MCTP1: variants seen among roughly 807,000 people sequenced by gnomAD.
MCTP1 encodes multiple C2 and transmembrane domain containing 1.
Under a neutral mutation model 120.6 loss-of-function variants are expected in MCTP1, and 69 were observed. The observed-to-expected ratio is 0.57, with a 90% CI of 0.47 to 0.70. MCTP1 has a LOEUF of 0.70. Among genes scored for constraint, MCTP1 ranks in the 30% least tolerant of loss-of-function variants. The pLI is 0.00. For missense variants in MCTP1, 1,203 were observed against 1,248.8 expected (o/e 0.96, Z 0.55); for synonymous variants, 529 against 493.1 (o/e 1.07, Z -0.96).
At chr5:94,941,041 A>G (rs529522529) in intron 4 of MCTP1, among the ~76,000 whole-genome samples, 2 of 152,160 alleles carry the variant, frequency 1.3e-5, no homozygotes, top group South Asian at 4.1e-4. Flanking sequence ...CCAAATGCTC[A>G]TGTATAAATA....
intron 1 of MCTP1, among the ~76,000 whole-genome samples, chr5:95,269,685 AC>A (rs1759204130): frequency 6.6e-6 from 1 of 152,242 alleles, no homozygotes; most frequent in Admixed American, 6.5e-5. Flanking sequence ...ATGTGGCCTC[AC>A]TAATGGTGAA....
At chr5:94,930,196 A>AT (rs1814238260) in intron 6 of MCTP1, among the ~76,000 whole-genome samples, 1 of 149,752 alleles carries the variant, frequency 6.7e-6, no homozygotes, top group African/African-American at 2.5e-5. Context: ...TATGTTATAT[A>AT]TTTTTACTTA....
intron 1 of MCTP1, among the ~76,000 whole-genome samples, chr5:95,269,752 C>T (rs1759210136): frequency 6.6e-6 from 1 of 152,218 alleles, no homozygotes; most frequent in African/African-American, 2.4e-5. Flanking sequence ...CTGTCAATAT[C>T]TAGCTTTGCC....
intron 5 of MCTP1, among the ~76,000 whole-genome samples, chr5:94,937,920 A>G (rs971487602): frequency 1.3e-5 from 2 of 152,182 alleles, no homozygotes; most frequent in Admixed American, 1.3e-4. Context: ...TCAGGCACTT[A>G]GGTATCTTGA....
chr5:95,245,449 T>C (rs1756652736), intron 1 of MCTP1, among the ~76,000 whole-genome samples: 1 of 152,118 alleles, frequency 6.6e-6, no homozygotes, highest in Non-Finnish European at 1.5e-5. Context: ...GACAAATGGC[T>C]AACTAGAATA....
At chr5:95,210,811 A>T (rs1451690469) in intron 1 of MCTP1, among the ~76,000 whole-genome samples, 1 of 151,992 alleles carries the variant, frequency 6.6e-6, no homozygotes, top group Non-Finnish European at 1.5e-5. Context: ...AGCGGCTGGT[A>T]CCGGTTGTTC....
intron 9 of MCTP1, among the ~76,000 whole-genome samples, chr5:94,911,201 T>C (rs895879835): frequency 1.1e-4 from 16 of 152,192 alleles, no homozygotes; most frequent in Admixed American, 3.3e-4. Context: ...CTAAGGTGAA[T>C]AAATGCCCAT....
chr5:95,025,123 GA>G (rs1194263671), intron 1 of MCTP1, among the ~76,000 whole-genome samples: 1 of 152,040 alleles, frequency 6.6e-6, no homozygotes, highest in Non-Finnish European at 1.5e-5. Context: ...CATCTTCAGT[GA>G]AAAGAACGAA....
chr5:95,128,965 G>A (rs971855833), intron 1 of MCTP1, among the ~76,000 whole-genome samples: 9 of 152,050 alleles, frequency 5.9e-5, no homozygotes, highest in African/African-American at 1.9e-4. Flanking sequence ...AATAAGAAAC[G>A]CCCCAAAAGA....
chr5:95,257,484 GTTTT>G (rs992877815), intron 1 of MCTP1, among the ~76,000 whole-genome samples: 9 of 151,872 alleles, frequency 5.9e-5, no homozygotes, highest in South Asian at 2.1e-4. Context: ...TGCCTACATT[GTTTT>G]TTTAATCTTT....
chr5:95,181,008 G>C (rs1314540526), intron 1 of MCTP1, among the ~76,000 whole-genome samples: 1 of 152,114 alleles, frequency 6.6e-6, no homozygotes, highest in Non-Finnish European at 1.5e-5. Flanking sequence ...CTAAAACCCT[G>C]GTCCAAACCA....
At chr5:95,056,788 G>A (rs1196668924) in intron 1 of MCTP1, among the ~76,000 whole-genome samples, 1 of 152,042 alleles carries the variant, frequency 6.6e-6, no homozygotes, top group Non-Finnish European at 1.5e-5. Flanking sequence ...TTCTCTGGGG[G>A]AAGTACCACT....
intron 2 of MCTP1, among the ~76,000 whole-genome samples, chr5:94,957,868 G>C (rs1368422653): frequency 6.6e-6 from 1 of 152,192 alleles, no homozygotes; most frequent in African/African-American, 2.4e-5. Context: ...CAACAAGACA[G>C]AAAATTAACA....
At chr5:95,153,782 A>AGT in intron 1 of MCTP1, among the ~76,000 whole-genome samples, 1 of 152,208 alleles carries the variant, frequency 6.6e-6, no homozygotes, top group East Asian at 1.9e-4. Flanking sequence ...GAGGAAATGG[A>AGT]GTGTTCCTTT....
chr5:94,778,095 A>C (rs1775807538), intron 19 of MCTP1, among the ~76,000 whole-genome samples: 2 of 152,108 alleles, frequency 1.3e-5, no homozygotes, highest in Admixed American at 6.6e-5. Flanking sequence ...TTGGTGGCAC[A>C]CAAATTCTTA....
chr5:95,228,227 C>A lies in MCTP1; in HGVS notation c.720+55629G>T, dbSNP rs375499158. On this transcript the variant is annotated intron_variant, in intron 1 of 22. Coordinates refer to ENST00000515393, the MANE Select transcript of MCTP1 (RefSeq NM_024717.7). Reference sequence around the variant, plus strand: ...TCCAAAAGAACAAGAACAACAACAACAAAAAACAATGAATATTTAGGAATT... The same window carrying A: ...TCCAAAAGAACAAGAACAACAACAAAAAAAAACAATGAATATTTAGGAATT... Among the ~76,000 whole-genome samples, 250 of 152,170 alleles carry A rather than the reference C, an allele frequency of 1.6e-3. 1 individual carries two copies. The highest frequency in any genetic ancestry group is 5.2e-3 in the African/African-American group (218 of 41,536).
At chr5:94,958,793 A>G (rs913594194) in intron 2 of MCTP1, among the ~76,000 whole-genome samples, 1 of 152,202 alleles carries the variant, frequency 6.6e-6, no homozygotes, top group African/African-American at 2.4e-5. Context: ...CTACCAACCA[A>G]AAAAACCCAT....
rs1208131884 is a variant in MCTP1, at chr5:94,787,783, AT to A, written c.2557-8621del. 2.6e-5 allele frequency among the ~76,000 whole-genome samples: 4 copies of A among 151,994 alleles called. No individual in the cohort carries two copies. In the East Asian group the frequency reaches 7.7e-4, roughly 29 times the overall value. The stretch of plus-strand genomic sequence containing the variant: ...AGGTGCCCGCCATCGCGCCCGGCTA[AT>A]TTTTTTGTATTTTAATAGAGACGGG... On this transcript the variant is annotated intron_variant, in intron 18 of 22. Coordinates refer to ENST00000515393, the MANE Select transcript of MCTP1 (RefSeq NM_024717.7).
chr5:94,829,443 T>G (rs1157582124), intron 17 of MCTP1, among the ~76,000 whole-genome samples: 4 of 152,198 alleles, frequency 2.6e-5, no homozygotes, highest in African/African-American at 7.2e-5. Flanking sequence ...CGTTTTAAAT[T>G]TTTTAAAAGG....
Sources: gnomAD v4.1 joint callset for allele counts (sites outside exome capture counted in the v4.1 genomes callset) on GRCh38, gnomAD v4.1.1 for gene constraint, MANE v1.5 for transcripts, NCBI Gene and HGNC (gene_info 2026-07-23, HGNC 2026-07-21) for gene names.